The following MAF variants were observed in gnomAD, a reference collection of about 807,000 sequenced individuals.
The protein encoded by MAF is transcription factor Maf.
Under a neutral mutation model 22.0 loss-of-function variants are expected in MAF, and 10 were observed. The observed-to-expected ratio is 0.45, with a 90% confidence interval of 0.28 to 0.77. The LOEUF (loss-of-function observed/expected upper bound fraction) is 0.77, where lower values mean the gene tolerates loss of function less well. Among genes scored for constraint, MAF ranks in the 30% least tolerant of loss-of-function variants. MAF has a pLI of 0.12. For missense variants in MAF, 544 were observed against 548.4 expected (o/e 0.99, Z 0.08); for synonymous variants, 337 against 255.8 (o/e 1.32, Z -3.03).
the MAF span, among the ~76,000 whole-genome samples, chr16:79,400,044 A>G: frequency 1.3e-5 from 2 of 152,240 alleles, no homozygotes; most frequent in Admixed American, 1.3e-4. Flanking sequence ...ACAGGTCTAG[A>G]GCAGTCTATT....
At chr16:79,444,458 G>A in the MAF span, among the ~76,000 whole-genome samples, 1 of 152,238 alleles carries the variant, frequency 6.6e-6, no homozygotes, top group South Asian at 2.1e-4. Flanking sequence ...ATAGCCTTGG[G>A]CAAGTTCTTT....
the MAF span, among the ~76,000 whole-genome samples, chr16:79,432,963 C>G: frequency 2.0e-5 from 3 of 152,162 alleles, 1 homozygote; most frequent in South Asian, 4.1e-4. Context: ...ATTGTATAAG[C>G]TACCTGGTTT....
the MAF span, among the ~76,000 whole-genome samples, chr16:79,560,923 T>G: frequency 2.6e-5 from 4 of 152,246 alleles, no homozygotes. Flanking sequence ...AACAGCCATG[T>G]AGGTCTTTTT....
At chr16:79,543,092 T>G in the MAF span, among the ~76,000 whole-genome samples, 2 of 152,234 alleles carry the variant, frequency 1.3e-5, no homozygotes, top group Non-Finnish European at 2.9e-5. Flanking sequence ...CCACATCATT[T>G]TGAGTTTTGC....
At chr16:79,446,112 G>T in the MAF span, among the ~76,000 whole-genome samples, 1 of 152,142 alleles carries the variant, frequency 6.6e-6, no homozygotes, top group Non-Finnish European at 1.5e-5. Flanking sequence ...CGGGCAGAGG[G>T]GAAAGGAGGA....
At chr16:79,389,950 A>G in the MAF span, among the ~76,000 whole-genome samples, 2 of 131,220 alleles carry the variant, frequency 1.5e-5, no homozygotes, top group East Asian at 2.4e-4. Flanking sequence ...CACCTCCAGC[A>G]CGGGCAACAC....
the MAF span, among the ~76,000 whole-genome samples, chr16:79,495,732 G>A: frequency 6.6e-6 from 1 of 152,098 alleles, no homozygotes; most frequent in African/African-American, 2.4e-5. Context: ...CCCTTGTGCT[G>A]ATGAAGAAAA....
chr16:79,209,777 C>G, the MAF span, among the ~76,000 whole-genome samples: 1 of 152,140 alleles, frequency 6.6e-6, no homozygotes, highest in African/African-American at 2.4e-5. Context: ...CCCTTTTCCC[C>G]ACATGGGATG....
At chr16:79,296,982 A>G in the MAF span, among the ~76,000 whole-genome samples, 1 of 152,204 alleles carries the variant, frequency 6.6e-6, no homozygotes, top group East Asian at 1.9e-4. Flanking sequence ...TTGTTCCTCA[A>G]TGGCAGGGAA....
At chr16:79,228,892 C>A in the MAF span, among the ~76,000 whole-genome samples, 1 of 151,756 alleles carries the variant, frequency 6.6e-6, no homozygotes. Flanking sequence ...AGAATGGTAC[C>A]CCAGTTCCTC....
chr16:79,410,542 T>C, the MAF span, among the ~76,000 whole-genome samples: 1 of 152,290 alleles, frequency 6.6e-6, no homozygotes, highest in East Asian at 1.9e-4. Flanking sequence ...GCTGGGTACA[T>C]ATGTGGAAGG....
At chr16:79,306,802 C>G in the MAF span, among the ~76,000 whole-genome samples, 2 of 152,202 alleles carry the variant, frequency 1.3e-5, no homozygotes, top group African/African-American at 2.4e-5. Flanking sequence ...GAGGCAGTCT[C>G]TCTGTGTGAC....
At chr16:79,327,238 C>G in the MAF span, among the ~76,000 whole-genome samples, 2 of 152,130 alleles carry the variant, frequency 1.3e-5, no homozygotes, top group South Asian at 4.1e-4. Context: ...TCGGTAGTGC[C>G]TGTGGTGGAG....
At chr16:79,227,786 T>G in the MAF span, among the ~76,000 whole-genome samples, 1 of 151,904 alleles carries the variant, frequency 6.6e-6, no homozygotes, top group African/African-American at 2.4e-5. Flanking sequence ...AATATCCTCA[T>G]CAAAAAAACC....
At chr16:79,535,110 C>A in the MAF span, among the ~76,000 whole-genome samples, 8,885 of 110,572 alleles carry the variant, frequency 0.08, 344 homozygotes, top group South Asian at 0.17. Context: ...ATTTTGAATT[C>A]GCCAGGAAAG....
chr16:79,204,665 C>G, the MAF span: 1 of 152,378 alleles, frequency 6.6e-6, no homozygotes, highest in Non-Finnish European at 1.5e-5. Context: ...GAGAGCGTAC[C>G]AAGGTCACCC....
chr16:79,426,443 A>G, the MAF span, among the ~76,000 whole-genome samples: 2 of 152,164 alleles, frequency 1.3e-5, no homozygotes, highest in Non-Finnish European at 2.9e-5. Context: ...TGACAATTAC[A>G]TAAGAGTATT....
chr16:79,204,776 C>T, the MAF span: 2 of 152,128 alleles, frequency 1.3e-5, no homozygotes, highest in African/African-American at 4.8e-5. Context: ...TTGGGACTGG[C>T]TGCCTATTTT....
the MAF span, among the ~76,000 whole-genome samples, chr16:79,228,024 C>G: frequency 6.6e-6 from 1 of 152,080 alleles, no homozygotes; most frequent in Non-Finnish European, 1.5e-5. Context: ...TCACCTGAGC[C>G]TCCCAAGTAG....
Sources: gnomAD v4.1 joint callset for allele counts (sites outside exome capture counted in the v4.1 genomes callset) on GRCh38, gnomAD v4.1.1 for gene constraint, MANE v1.5 for transcripts, NCBI Gene and HGNC (gene_info 2026-07-23, HGNC 2026-07-21) for gene names.